SPPL3: variants seen among roughly 807,000 people sequenced by gnomAD.
SPPL3 encodes the protein signal peptide peptidase-like 3.
SPPL3 carries 5 observed loss-of-function variants against 42.4 expected under a neutral mutation model. The observed-to-expected ratio is 0.12, with a 90% confidence interval of 0.06 to 0.25. SPPL3 has a LOEUF of 0.25. Among genes scored for constraint, SPPL3 ranks in the 10% least tolerant of loss-of-function variants. The pLI, the probability that SPPL3 is intolerant of heterozygous loss-of-function variation, is 1.00. For synonymous variants in SPPL3, 195 were observed against 181.8 expected, an observed-to-expected ratio of 1.07 and a Z score of -0.58; for missense variants, 235 against 489.0, an observed-to-expected ratio of 0.48 and a Z score of 4.90.
intron 8 of SPPL3, among the ~76,000 whole-genome samples, chr12:120,767,798 CCCT>C (rs1195074751): frequency 6.6e-6 from 1 of 152,292 alleles, no homozygotes; most frequent in South Asian, 2.1e-4. Flanking sequence ...ACCTTGGCCC[CCCT>C]GTTTCAGGAG....
At chr12:120,891,769 C>T (rs1873652535) in intron 1 of SPPL3, among the ~76,000 whole-genome samples, 1 of 148,360 alleles carries the variant, frequency 6.7e-6, no homozygotes, top group African/African-American at 2.5e-5. Flanking sequence ...AGCTGAGTGT[C>T]TCCACTTTAG....
intron 1 of SPPL3, among the ~76,000 whole-genome samples, chr12:120,866,782 T>C (rs1004586853): frequency 1.3e-5 from 2 of 152,224 alleles, no homozygotes; most frequent in Non-Finnish European, 2.9e-5. Flanking sequence ...TGCAATAGTA[T>C]CAAACATGTC....
At chr12:120,831,736 C>CT (rs1871432102) in intron 1 of SPPL3, among the ~76,000 whole-genome samples, 2 of 152,090 alleles carry the variant, frequency 1.3e-5, no homozygotes, top group South Asian at 4.1e-4. Context: ...GTTCCTTATC[C>CT]TTTTTGCAGA....
intron 2 of SPPL3, among the ~76,000 whole-genome samples, chr12:120,792,560 C>T (rs562225923): frequency 5.3e-5 from 8 of 151,914 alleles, no homozygotes; most frequent in African/African-American, 1.7e-4. Flanking sequence ...ATTTGCTGGG[C>T]GTGGTGGTGC....
At chr12:120,815,137 T>C (rs1314984103) in intron 1 of SPPL3, among the ~76,000 whole-genome samples, 1 of 152,336 alleles carries the variant, frequency 6.6e-6, no homozygotes, top group East Asian at 1.9e-4. Context: ...TTGTATAACA[T>C]TCCTCAAAGT....
At chr12:120,796,465 C>T (rs530259167) in intron 2 of SPPL3, among the ~76,000 whole-genome samples, 1 of 152,310 alleles carries the variant, frequency 6.6e-6, no homozygotes, top group African/African-American at 2.4e-5. Context: ...TTTGCTCATA[C>T]TAACATCTGT....
At chr12:120,803,708 G>C (rs1279297676) in intron 2 of SPPL3, among the ~76,000 whole-genome samples, 1 of 152,056 alleles carries the variant, frequency 6.6e-6, no homozygotes, top group Non-Finnish European at 1.5e-5. Flanking sequence ...ACTTACAGTG[G>C]TTTTATAAAT....
At chr12:120,822,903 C>CAT (rs1331125253) in intron 1 of SPPL3, among the ~76,000 whole-genome samples, 2 of 152,038 alleles carry the variant, frequency 1.3e-5, no homozygotes, top group East Asian at 3.9e-4. Context: ...TCACCACATG[C>CAT]ATGAGGACTC....
At chr12:120,816,605 G>A (rs1230797755) in intron 1 of SPPL3, among the ~76,000 whole-genome samples, 1 of 152,180 alleles carries the variant, frequency 6.6e-6, no homozygotes, top group South Asian at 2.1e-4. Flanking sequence ...TCCAACTCCT[G>A]GACTCAAGCA....
intron 1 of SPPL3, among the ~76,000 whole-genome samples, chr12:120,892,710 C>A (rs1233020950): frequency 6.6e-6 from 1 of 152,122 alleles, no homozygotes; most frequent in Admixed American, 6.5e-5. Context: ...AGGCCAGGCG[C>A]GGTGGCTCAC....
intron 1 of SPPL3, among the ~76,000 whole-genome samples, chr12:120,877,174 A>T (rs1873130932): frequency 6.6e-6 from 1 of 152,196 alleles, no homozygotes; most frequent in Non-Finnish European, 1.5e-5. Context: ...ACAAACCCTA[A>T]ATCAATATAT....
At chr12:120,894,245 AC>A (rs1873730828) in intron 1 of SPPL3, among the ~76,000 whole-genome samples, 1 of 152,096 alleles carries the variant, frequency 6.6e-6, no homozygotes, top group Non-Finnish European at 1.5e-5. Context: ...AATCACTTGA[AC>A]CCGGGAGGCA....
chr12:120,889,354 C>A (rs1247505506), intron 1 of SPPL3, among the ~76,000 whole-genome samples: 1 of 152,228 alleles, frequency 6.6e-6, no homozygotes, highest in African/African-American at 2.4e-5. Context: ...TATGATTTTG[C>A]AGTTCTTCCC....
chr12:120,787,936 C>A (rs1869779293), intron 3 of SPPL3, among the ~76,000 whole-genome samples: 1 of 152,076 alleles, frequency 6.6e-6, no homozygotes, highest in African/African-American at 2.4e-5. Context: ...GGGTTGTTTC[C>A]AATTTTTTGG....
chr12:120,896,050 A>C (rs1354781719), intron 1 of SPPL3, among the ~76,000 whole-genome samples: 1 of 152,170 alleles, frequency 6.6e-6, no homozygotes, highest in Non-Finnish European at 1.5e-5. Context: ...AAAAAAAAAA[A>C]TCCTTTGGTG....
At chr12:120,842,198 G>A (rs965869908) in intron 1 of SPPL3, among the ~76,000 whole-genome samples, 3 of 152,128 alleles carry the variant, frequency 2.0e-5, no homozygotes, top group Non-Finnish European at 2.9e-5. Context: ...TAGAAAGTTG[G>A]CATTTTTTAG....
intron 1 of SPPL3, among the ~76,000 whole-genome samples, chr12:120,834,625 C>CA (rs1361374671): frequency 6.6e-6 from 1 of 152,224 alleles, no homozygotes; most frequent in Non-Finnish European, 1.5e-5. Flanking sequence ...ATCTTACACT[C>CA]ATTCTCCTTT....
chr12:120,859,461 T>C (rs1166594114), intron 1 of SPPL3, among the ~76,000 whole-genome samples: 1 of 152,244 alleles, frequency 6.6e-6, no homozygotes, highest in Non-Finnish European at 1.5e-5. Context: ...AAGTTAAGAA[T>C]TGTGACAGTA....
chr12:120,803,495 C>G (rs774057931), intron 2 of SPPL3, among the ~76,000 whole-genome samples: 8 of 151,714 alleles, frequency 5.3e-5, no homozygotes, highest in Non-Finnish European at 1.2e-4. Flanking sequence ...GAATTTTTAA[C>G]CTTAACATTA....
Sources: gnomAD v4.1 joint callset for allele counts (sites outside exome capture counted in the v4.1 genomes callset) on GRCh38, gnomAD v4.1.1 for gene constraint, MANE v1.5 for transcripts, NCBI Gene and HGNC (gene_info 2026-07-23, HGNC 2026-07-21) for gene names.